Variants in PACRG observed in about 807,000 individuals in gnomAD.
PACRG encodes parkin coregulated.
A neutral mutation model predicts 29.7 loss-of-function variants in PACRG; 29 were observed. The ratio of observed to expected loss-of-function variants is 0.98; its 90% confidence interval spans 0.73 to 1.33. The LOEUF (loss-of-function observed/expected upper bound fraction) is 1.33. PACRG is among the 40% of genes most tolerant of loss of function. The pLI is 0.00. For missense variants in PACRG, 279 were observed against 316.2 expected, an observed-to-expected ratio of 0.88 and a Z score of 0.89; for synonymous variants, 116 against 118.7, an observed-to-expected ratio of 0.98 and a Z score of 0.15.
chr6:162,731,754 G>A (rs545406718), intron 1 of PACRG, among the ~76,000 whole-genome samples: 14 of 152,184 alleles, frequency 9.2e-5, no homozygotes, highest in Admixed American at 2.6e-4. Flanking sequence ...CCAATCATGT[G>A]CTCATTTAAC....
chr6:163,255,150 C>T (rs1476745621), intron 4 of PACRG, among the ~76,000 whole-genome samples: 1 of 152,186 alleles, frequency 6.6e-6, no homozygotes, highest in Non-Finnish European at 1.5e-5. Flanking sequence ...CTCCCTAAAA[C>T]TGGATTTTGC....
At chr6:163,124,807 G>T (rs1274499869) in intron 4 of PACRG, among the ~76,000 whole-genome samples, 1 of 152,190 alleles carries the variant, frequency 6.6e-6, no homozygotes, top group African/African-American at 2.4e-5. Flanking sequence ...TGTAGGCTCT[G>T]TAATTAATAT....
At chr6:163,129,634 T>C (rs2128328418) in intron 4 of PACRG, among the ~76,000 whole-genome samples, 1 of 152,326 alleles carries the variant, frequency 6.6e-6, no homozygotes, top group South Asian at 2.1e-4. Flanking sequence ...AACACTGTCC[T>C]CCTGATCAGC....
intron 2 of PACRG, among the ~76,000 whole-genome samples, chr6:162,948,415 G>C (rs1287113582): frequency 1.3e-5 from 2 of 152,040 alleles, no homozygotes; most frequent in Admixed American, 1.3e-4. Context: ...ACACTTAAAT[G>C]TAAGACCTGA....
chr6:162,932,370 T>C (rs1606675), intron 2 of PACRG, among the ~76,000 whole-genome samples: 107,398 of 151,484 alleles, frequency 0.71, 38,529 homozygotes, highest in African/African-American at 0.82. Flanking sequence ...TCAAATTGTA[T>C]ACTTTAATAG....
rs572105700 is a variant in PACRG at position 163,303,813 on chromosome 6, A to C, written c.614-11014A>C. Among the ~76,000 whole-genome samples the C allele has an allele frequency of 3.9e-5, 6 of 152,134 alleles. No individual in the cohort carries two copies. The South Asian group carries it at 1.0e-3, about 26-fold the overall frequency. Reference sequence around the variant, plus strand: ...CACCTGAGGTCAGGGATTGGAGACCAGCCTGGCCAACATGGTGAAACCCCA... The same window carrying C: ...CACCTGAGGTCAGGGATTGGAGACCCGCCTGGCCAACATGGTGAAACCCCA... On this transcript the variant is annotated intron_variant, in intron 4 of 4. Transcript: ENST00000366888.
chr6:162,895,006 C>G (rs1347058662), intron 2 of PACRG, among the ~76,000 whole-genome samples: 7 of 152,144 alleles, frequency 4.6e-5, no homozygotes, highest in South Asian at 2.1e-4. Flanking sequence ...AATAAATAAG[C>G]TACCCCATCA....
At chr6:163,047,444 G>A (rs1294618113) in intron 2 of PACRG, among the ~76,000 whole-genome samples, 5 of 152,146 alleles carry the variant, frequency 3.3e-5, no homozygotes, top group African/African-American at 7.2e-5. Flanking sequence ...GGTTGAGTGG[G>A]AATGTTAGAA....
intron 2 of PACRG, among the ~76,000 whole-genome samples, chr6:162,906,925 G>A (rs1191833855): frequency 1.3e-5 from 2 of 152,186 alleles, no homozygotes; most frequent in African/African-American, 4.8e-5. Flanking sequence ...AAACCAGTGA[G>A]TTTTAGGAAA....
chr6:162,829,865 T>A (rs1788600656), intron 2 of PACRG, among the ~76,000 whole-genome samples: 2 of 152,186 alleles, frequency 1.3e-5, no homozygotes, highest in African/African-American at 4.8e-5. Context: ...ATCGCTGTCC[T>A]GACCCTGTCA....
At chr6:163,154,251 T>A (rs1345129424) in intron 4 of PACRG, among the ~76,000 whole-genome samples, 1 of 152,206 alleles carries the variant, frequency 6.6e-6, no homozygotes, top group Non-Finnish European at 1.5e-5. Context: ...GTGCCTAGGA[T>A]GTGGCTATAA....
At chr6:163,247,277 C>G (rs1782732725) in intron 4 of PACRG, among the ~76,000 whole-genome samples, 1 of 152,164 alleles carries the variant, frequency 6.6e-6, no homozygotes, top group Non-Finnish European at 1.5e-5. Flanking sequence ...ATTGCTCTAG[C>G]TAGAAACCCT....
intron 4 of PACRG, among the ~76,000 whole-genome samples, chr6:163,199,062 C>T (rs182321753): frequency 6.6e-6 from 1 of 152,322 alleles, no homozygotes; most frequent in East Asian, 1.9e-4. Context: ...CAGAGGGTCA[C>T]TTTGACTAGA....
chr6:163,283,226 T>C (rs1784278342), intron 4 of PACRG, among the ~76,000 whole-genome samples: 1 of 152,208 alleles, frequency 6.6e-6, no homozygotes, highest in Non-Finnish European at 1.5e-5. Context: ...CTGACTCTGG[T>C]TGGTGGCAGA....
chr6:163,239,943 A>AT (rs1782417072), intron 4 of PACRG, among the ~76,000 whole-genome samples: 1 of 56,264 alleles, frequency 1.8e-5, no homozygotes, highest in Admixed American at 1.9e-4. Context: ...TCACACTCCC[A>AT]CCCCCCCCAC....
intron 4 of PACRG, among the ~76,000 whole-genome samples, chr6:163,245,495 C>G (rs186339159): frequency 2.6e-5 from 4 of 152,092 alleles, no homozygotes; most frequent in Admixed American, 2.6e-4. Context: ...GAGAGCCGCA[C>G]GTTAATATGG....
At chr6:162,730,239 A>G (rs766169059) in intron 1 of PACRG, among the ~76,000 whole-genome samples, 1 of 152,214 alleles carries the variant, frequency 6.6e-6, no homozygotes, top group Non-Finnish European at 1.5e-5. Context: ...TGGTACAGGA[A>G]ATAAAAATTT....
At chr6:162,832,899 A>G (rs986791052) in intron 2 of PACRG, among the ~76,000 whole-genome samples, 8 of 151,912 alleles carry the variant, frequency 5.3e-5, no homozygotes, top group Non-Finnish European at 7.4e-5. Flanking sequence ...TTTCTACTCA[A>G]CAAAACCAAT....
intron 2 of PACRG, among the ~76,000 whole-genome samples, chr6:162,848,155 A>G (rs1305546202): frequency 6.6e-6 from 1 of 152,186 alleles, no homozygotes; most frequent in East Asian, 1.9e-4. Context: ...GCACAGCTCC[A>G]AGGGATGGAG....
Sources: gnomAD v4.1 joint callset for allele counts (sites outside exome capture counted in the v4.1 genomes callset) on GRCh38, gnomAD v4.1.1 for gene constraint, MANE v1.5 for transcripts, NCBI Gene and HGNC (gene_info 2026-07-23, HGNC 2026-07-21) for gene names.